Variants in UCHL3 observed in about 807,000 individuals in gnomAD.
UCHL3 encodes ubiquitin carboxyl-terminal hydrolase isozyme L3.
UCHL3 carries 22 observed loss-of-function variants against 35.8 expected under a neutral mutation model. That is an observed-to-expected ratio of 0.61 (90% CI 0.44 to 0.88). UCHL3 has a LOEUF of 0.88. Ranked by LOEUF, UCHL3 falls within the 40% of genes least tolerant of loss-of-function variation. UCHL3 has a pLI of 0.00. For synonymous variants in UCHL3, 90 were observed against 92.8 expected (o/e 0.97, Z 0.17); for missense variants, 229 against 276.9 (o/e 0.83, Z 1.23).
At chr13:75,556,418 G>T (rs59542200) in intron 2 of UCHL3, among the ~76,000 whole-genome samples, 1 of 152,142 alleles carries the variant, frequency 6.6e-6, no homozygotes, top group African/African-American at 2.4e-5. Context: ...TAATTGCTAG[G>T]TAAGTATAAT....
chr13:75,565,328 T>C (rs1458815091), intron 3 of UCHL3, among the ~76,000 whole-genome samples: 2 of 152,232 alleles, frequency 1.3e-5, no homozygotes, highest in Non-Finnish European at 2.9e-5. Flanking sequence ...CGAACTTACA[T>C]GAATAATGTC....
intron 6 of UCHL3, among the ~76,000 whole-genome samples, chr13:75,572,870 G>A (rs2031905534): frequency 6.6e-6 from 1 of 152,168 alleles, no homozygotes; most frequent in African/African-American, 2.4e-5. Flanking sequence ...TCTCCCAGTT[G>A]CTGAGAGAAC....
chr13:75,577,222 C>T (rs1319917645), intron 6 of UCHL3, among the ~76,000 whole-genome samples: 2 of 152,048 alleles, frequency 1.3e-5, no homozygotes, highest in South Asian at 2.1e-4. Context: ...TGCACTCCAG[C>T]CTGGGTGACA....
intron 7 of UCHL3, among the ~76,000 whole-genome samples, chr13:75,597,158 T>G (rs1322899419): frequency 6.6e-6 from 1 of 152,172 alleles, no homozygotes; most frequent in African/African-American, 2.4e-5. Flanking sequence ...AAAGGAATAT[T>G]GAGCAAGAAG....
chr13:75,595,672 A>G (rs1024772721), intron 7 of UCHL3, among the ~76,000 whole-genome samples: 1 of 139,330 alleles, frequency 7.2e-6, no homozygotes, highest in African/African-American at 2.6e-5. Flanking sequence ...ACTAGTTTTC[A>G]GGGTTTTGTA....
chr13:75,595,656 A>AGT (rs2032628186), intron 7 of UCHL3, among the ~76,000 whole-genome samples: 1 of 137,644 alleles, frequency 7.3e-6, no homozygotes, highest in Non-Finnish European at 1.5e-5. Context: ...GATTGGGCTG[A>AGT]GTGTCACTAG....
chr13:75,549,934 C>T, intron 1 of UCHL3, 42 bp from the exon 2 acceptor site: 1 of 1,614,176 alleles, frequency 6.2e-7, no homozygotes, highest in Non-Finnish European at 8.5e-7. Flanking sequence ...CGCGAGTCCA[C>T]GGTGGTTTGT....
At chr13:75,586,666 C>T (rs12859594) in intron 6 of UCHL3, among the ~76,000 whole-genome samples, 16,692 of 151,756 alleles carry the variant, frequency 0.11, 1,176 homozygotes, top group Non-Finnish European at 0.16. Flanking sequence ...TTAATTTATA[C>T]AAAGAATGTT....
intron 7 of UCHL3, among the ~76,000 whole-genome samples, chr13:75,597,716 C>G (rs2032680172): frequency 6.6e-6 from 1 of 152,110 alleles, no homozygotes; most frequent in Admixed American, 6.6e-5. Context: ...TGTCCTGGAA[C>G]CAGTCCCCCA....
chr13:75,565,237 TAAC>T (rs1392973077), intron 3 of UCHL3, among the ~76,000 whole-genome samples: 4 of 152,206 alleles, frequency 2.6e-5, no homozygotes, highest in African/African-American at 9.6e-5. Flanking sequence ...TCAGGAACAT[TAAC>T]AACAGACTAA....
At chr13:75,564,735 G>A (rs933268199) in intron 3 of UCHL3, among the ~76,000 whole-genome samples, 11 of 152,060 alleles carry the variant, frequency 7.2e-5, no homozygotes, top group African/African-American at 2.4e-5. Context: ...TTGCTCTGTT[G>A]CCCAGGCTGT....
Position 75,575,855 on chromosome 13 carries a change from G to A in UCHL3, c.474+6348G>A, listed in dbSNP as rs147698309. ...CAACCTCTGCCTCCCTGGTTCAAGCGATTCCCCTGCCTCAGCCTCCCAAGT... is the reference window on the plus strand; with the variant it reads ...CAACCTCTGCCTCCCTGGTTCAAGCAATTCCCCTGCCTCAGCCTCCCAAGT... On this transcript the variant is annotated intron_variant, in intron 6 of 8. Transcript: ENST00000377595. 6.7e-3 allele frequency among the ~76,000 whole-genome samples: 1,023 copies of A among 151,856 alleles called. 9 individuals carry two copies. The highest frequency in any genetic ancestry group is 0.022 in the African/African-American group (925 of 41,396).
At chr13:75,560,498 GC>G (rs1457241224) in intron 2 of UCHL3, among the ~76,000 whole-genome samples, 1 of 152,010 alleles carries the variant, frequency 6.6e-6, no homozygotes, top group Non-Finnish European at 1.5e-5. Flanking sequence ...CTACCATTCT[GC>G]CCCCCTAGTT....
chr13:75,596,257 C>T (rs2032643428), intron 7 of UCHL3, among the ~76,000 whole-genome samples: 1 of 152,122 alleles, frequency 6.6e-6, no homozygotes, highest in Non-Finnish European at 1.5e-5. Flanking sequence ...AATGTGCAAC[C>T]CTGAGCGTTG....
chr13:75,586,139 C>T (rs1236868423), intron 6 of UCHL3, among the ~76,000 whole-genome samples: 3 of 151,872 alleles, frequency 2.0e-5, no homozygotes, highest in East Asian at 3.9e-4. Flanking sequence ...TTTTAAAAAA[C>T]GTAAGAAGAT....
intron 6 of UCHL3, among the ~76,000 whole-genome samples, chr13:75,592,810 G>A (rs2032547925): frequency 6.6e-6 from 1 of 151,972 alleles, no homozygotes; most frequent in South Asian, 2.1e-4. Flanking sequence ...GTGCAACGAT[G>A]CACAATTTTG....
At chr13:75,556,493 A>G (rs1375471141) in intron 2 of UCHL3, among the ~76,000 whole-genome samples, 1 of 152,248 alleles carries the variant, frequency 6.6e-6, no homozygotes, top group African/African-American at 2.4e-5. Flanking sequence ...TGCCCTGAAC[A>G]GACCATTAAA....
chr13:75,564,362 G>C (rs1474479110), intron 3 of UCHL3, among the ~76,000 whole-genome samples: 12 of 151,926 alleles, frequency 7.9e-5, no homozygotes, highest in Non-Finnish European at 1.6e-4. Context: ...ATGTTAGCTG[G>C]GATGGTCTCG....
intron 6 of UCHL3, among the ~76,000 whole-genome samples, chr13:75,590,823 A>T (rs556432726): frequency 1.3e-5 from 2 of 152,318 alleles, no homozygotes; most frequent in South Asian, 4.1e-4. Context: ...GATATCTGCA[A>T]ACTATTAAAA....
Sources: gnomAD v4.1 joint callset for allele counts (sites outside exome capture counted in the v4.1 genomes callset) on GRCh38, gnomAD v4.1.1 for gene constraint, MANE v1.5 for transcripts, NCBI Gene and HGNC (gene_info 2026-07-23, HGNC 2026-07-21) for gene names.